Variants in PLCL2 observed in about 807,000 individuals in gnomAD.
PLCL2 encodes the protein inactive phospholipase C-like protein 2.
In PLCL2, 4 loss-of-function variants were observed where a neutral mutation model predicts 79.6. That is an observed-to-expected ratio of 0.05 (90% CI 0.02 to 0.11). The LOEUF is 0.11. Ranked by LOEUF, PLCL2 falls within the 10% of genes least tolerant of loss-of-function variation. The pLI is 1.00. For synonymous variants in PLCL2, 484 were observed against 457.7 expected (o/e 1.06, Z -0.73); for missense variants, 895 against 1,291.0 (o/e 0.69, Z 4.70).
chr3:16,902,687 C>G (rs1461189001), intron 1 of PLCL2, among the ~76,000 whole-genome samples: 1 of 151,982 alleles, frequency 6.6e-6, no homozygotes, highest in Non-Finnish European at 1.5e-5. Context: ...GTTAGCTGGG[C>G]ATGGTGATGC....
chr3:16,919,634 C>A (rs1034195717), intron 1 of PLCL2, among the ~76,000 whole-genome samples: 1 of 151,988 alleles, frequency 6.6e-6, no homozygotes, highest in African/African-American at 2.4e-5. Flanking sequence ...GTGCTTAGCT[C>A]TTTAATATTT....
intron 1 of PLCL2, among the ~76,000 whole-genome samples, chr3:16,963,863 G>A (rs1403650562): frequency 5.9e-5 from 9 of 151,780 alleles, no homozygotes; most frequent in African/African-American, 9.7e-5. Flanking sequence ...GAACTCCAAA[G>A]CCCACACTGT....
chr3:16,928,902 C>G (rs1158152349), intron 1 of PLCL2, among the ~76,000 whole-genome samples: 2 of 151,954 alleles, frequency 1.3e-5, no homozygotes, highest in Non-Finnish European at 2.9e-5. Context: ...GTGACCTTGG[C>G]AAAAATCCAT....
intron 1 of PLCL2, among the ~76,000 whole-genome samples, chr3:16,908,257 C>T (rs1426918820): frequency 6.6e-6 from 1 of 152,124 alleles, no homozygotes; most frequent in Admixed American, 6.5e-5. Flanking sequence ...TATTTTAAAG[C>T]AAATTCCAGA....
intron 5 of PLCL2, among the ~76,000 whole-genome samples, chr3:17,071,698 C>T (rs958858203): frequency 6.6e-6 from 1 of 152,068 alleles, no homozygotes; most frequent in African/African-American, 2.4e-5. Context: ...TCCATGGCAT[C>T]TTTGCATTAT....
At position 17,009,841 on chromosome 3, in the gene PLCL2, G is replaced by A; in HGVS notation, c.495G>A (p.Leu165=). The change falls in exon 2 of 6, where the codon CTG becomes CTA. Residue 165 remains leucine (L), a synonymous_variant. Transcript: ENST00000615277. This position sits in a 1 kb window ranked among gnomAD's most constrained non-coding sequence, Gnocchi z 4.0. The part of the protein sequence containing the change: ...NSRIYHRYFL[L]DADMQSLRWE... ...GAATTTATCATAGGTACTTTTTACT[G>A]GATGCTGACATGCAGAGCCTAAGGT... 6.2e-7 allele frequency: 1 copy of A among 1,613,760 alleles called. No individual in the cohort carries two copies. The highest frequency in any genetic ancestry group is 8.5e-7 in the Non-Finnish European group (1 of 1,179,722).
chr3:16,929,140 A>G (rs74600670), intron 1 of PLCL2, among the ~76,000 whole-genome samples: 151,760 of 151,760 alleles, frequency 1, 75,880 homozygotes, highest in Non-Finnish European at 1. Context: ...AATGATGATG[A>G]TGATACTAAG....
intron 1 of PLCL2, among the ~76,000 whole-genome samples, chr3:16,931,735 A>G (rs771793705): frequency 2.0e-5 from 3 of 152,160 alleles, no homozygotes; most frequent in Non-Finnish European, 2.9e-5. Context: ...AATGAGAATA[A>G]CACCTCCCTG....
chr3:17,023,181 A>G lies in PLCL2; in HGVS notation c.3018+8270A>G, dbSNP rs141940646. ...GTCACTCAATACTGCAAGAGGCGTT[A>G]TTTCCTCCTCTCTGTTCTCTCGTCA... On this transcript the variant is annotated intron_variant, in intron 3 of 5. Transcript: ENST00000615277. Among the ~76,000 whole-genome samples the G allele has an allele frequency of 7.3e-4, 111 of 152,138 alleles. 3 individuals are homozygous for G. The East Asian group carries it at 0.021, about 28-fold the overall frequency.
intron 1 of PLCL2, among the ~76,000 whole-genome samples, chr3:16,916,662 G>C (rs1441040): frequency 0.82 from 125,144 of 152,170 alleles, 51,873 homozygotes; most frequent in African/African-American, 0.93. Context: ...ATAATGCTAT[G>C]ATCTTTTTAA....
intron 1 of PLCL2, among the ~76,000 whole-genome samples, chr3:16,957,482 G>A (rs1239995975): frequency 2.6e-5 from 4 of 152,112 alleles, no homozygotes; most frequent in Admixed American, 1.3e-4. Flanking sequence ...GTGTGGTGTG[G>A]TGCTGAAAAA....
chr3:17,067,927 A>G (rs1359222592), intron 4 of PLCL2, 29 bp from the exon 5 acceptor site: 2 of 1,299,196 alleles, frequency 1.5e-6, no homozygotes, highest in Non-Finnish European at 2.2e-6. Context: ...ATGGGAGTTA[A>G]TATACTTTGT....
At chr3:17,060,637 T>C (rs1414447431) in intron 4 of PLCL2, among the ~76,000 whole-genome samples, 2 of 152,190 alleles carry the variant, frequency 1.3e-5, no homozygotes, top group African/African-American at 4.8e-5. Context: ...TTATACATAT[T>C]CTTATAAAAT....
intron 5 of PLCL2, chr3:17,081,276 A>C: frequency 2.2e-6 from 1 of 456,476 alleles, no homozygotes. Context: ...CTCACACTGC[A>C]TGTGATTTGG....
Position 17,089,964 on chromosome 3 carries a change from G to A in PLCL2, c.*52G>A. On this transcript the variant is annotated 3_prime_UTR_variant, in exon 6 of 6. Coordinates refer to ENST00000615277, the MANE Select transcript of PLCL2 (RefSeq NM_001144382.2). ...GTTTATAACTCTAGGACCAATTGTA[G>A]TCAGATGGGACATTTGCTTTGCACT... 6.4e-7 allele frequency: 1 copy of A among 1,551,040 alleles called. No homozygotes were observed. Among genetic ancestry groups the A allele is most frequent in the Non-Finnish European group, 8.7e-7 (1 of 1,149,014 alleles).
In PLCL2 at chr3:17,011,297, G is replaced by C. The variant is rs1300368963; in HGVS notation, c.1951G>C (p.Val651Leu). ...KYWEVCSFNE[V>L]LASKYANENP... is the part of the protein sequence containing the mutation. ...CTGGGAAGTCTGTTCCTTTAATGAAGTGCTTGCCAGCAAGTACGCCAATGA... is the reference window on the plus strand; with the variant it reads ...CTGGGAAGTCTGTTCCTTTAATGAACTGCTTGCCAGCAAGTACGCCAATGA... Residue 651 changes from valine to leucine, a missense_variant, in exon 2 of 6, where the codon GTG becomes CTG. Around this residue, in one of 6 missense-constraint regions of PLCL2, gnomAD observed 242 missense variants for 399.5 expected, o/e 0.61. Coordinates refer to ENST00000615277, the MANE Select transcript of PLCL2 (RefSeq NM_001144382.2). The surrounding 1 kb of genome is among the most constrained non-coding windows in gnomAD (Gnocchi z 7.9). The C allele has an allele frequency of 4.3e-5, 70 of 1,614,090 alleles. No homozygotes were observed. Among genetic ancestry groups the C allele is most frequent in the Non-Finnish European group, 5.9e-5 (70 of 1,180,038 alleles).
rs564134525 is a variant in PLCL2, at chr3:17,017,443, A to G, written c.3018+2532A>G. ...CTTGTAATATTTTGCAGTTCTTTTT[A>G]GTGACTTAATGGTTTCTTACCTTGT... On this transcript the variant is annotated intron_variant, in intron 3 of 5. Coordinates refer to ENST00000615277, the MANE Select transcript of PLCL2 (RefSeq NM_001144382.2). Among the ~76,000 whole-genome samples the G allele has an allele frequency of 3.3e-5, 5 of 152,268 alleles. No individual in the cohort carries two copies. In the East Asian group the frequency reaches 7.7e-4, roughly 23 times the overall value.
At chr3:17,075,571 A>C (rs531935163) in intron 5 of PLCL2, among the ~76,000 whole-genome samples, 1 of 148,918 alleles carries the variant, frequency 6.7e-6, no homozygotes, top group South Asian at 2.1e-4. Context: ...AAAATGCAGT[A>C]TCTGTGAAGT....
intron 1 of PLCL2, among the ~76,000 whole-genome samples, chr3:16,998,427 G>A (rs531157715): frequency 4.6e-5 from 7 of 152,290 alleles, no homozygotes; most frequent in Admixed American, 3.3e-4. Flanking sequence ...AGCAGGCTCT[G>A]TAATGTGCTG....
Sources: allele counts gnomAD v4.1 joint callset (sites outside exome capture counted in the v4.1 genomes callset), GRCh38; gene constraint gnomAD v4.1.1; regional missense constraint gnomAD v4.1.1; non-coding constraint Gnocchi (gnomAD v3.1); transcripts MANE v1.5; gene names NCBI Gene and HGNC (gene_info 2026-07-23, HGNC 2026-07-21).